SI: variants seen among roughly 807,000 people sequenced by gnomAD.
SI encodes the protein sucrase-isomaltase, intestinal.
SI carries 235 observed loss-of-function variants against 253.3 expected under a neutral mutation model. The ratio of observed to expected loss-of-function variants is 0.93; its 90% CI spans 0.83 to 1.03. The LOEUF (loss-of-function observed/expected upper bound fraction) is 1.03. SI is among the 50% of genes least tolerant of loss of function. The pLI is 0.00. For missense variants in SI, 2,442 were observed against 2,211.1 expected (o/e 1.10, Z -2.09); for synonymous variants, 819 against 712.0 (o/e 1.15, Z -2.39).
chr3:165,013,162 G>T, intron 33 of SI, 120 bp from the exon 34 acceptor site: 1 of 756,452 alleles, frequency 1.3e-6, no homozygotes, highest in Admixed American at 1.8e-5. Context: ...CTTCAGATCT[G>T]CAATCCCTTC....
intron 26 of SI, among the ~76,000 whole-genome samples, chr3:165,022,130 C>G (rs555900000): frequency 2.6e-5 from 4 of 151,402 alleles, no homozygotes; most frequent in African/African-American, 9.7e-5. Flanking sequence ...TATGAGAGGT[C>G]TTGATATTTT....
chr3:165,057,541 T>C (rs1300591866), intron 12 of SI, among the ~76,000 whole-genome samples: 3 of 151,774 alleles, frequency 2.0e-5, no homozygotes, highest in Admixed American at 1.3e-4. Flanking sequence ...CATTTAATAA[T>C]TAAATTCCCA....
chr3:165,007,732 G>T (rs952776154), intron 36 of SI, among the ~76,000 whole-genome samples, 179 bp downstream of exon 36: 1 of 150,512 alleles, frequency 6.6e-6, no homozygotes, highest in Middle Eastern at 3.5e-3. Flanking sequence ...AGTGAAAATT[G>T]GGTGTGTGAA....
chr3:165,051,469 AT>A (rs1713425869), intron 13 of SI, among the ~76,000 whole-genome samples: 1 of 152,040 alleles, frequency 6.6e-6, no homozygotes, highest in Admixed American at 6.6e-5. Context: ...GTTATATTCA[AT>A]TTTGTTTCCT....
intron 2 of SI, among the ~76,000 whole-genome samples, chr3:165,074,958 A>C (rs1714855282): frequency 6.6e-6 from 1 of 150,700 alleles, no homozygotes; most frequent in Admixed American, 6.6e-5. Context: ...AACAAAATAT[A>C]CATTCATACT....
At chr3:164,983,195 A>T in intron 45 of SI, 144 bp from the exon 46 acceptor site, 1 of 797,522 alleles carries the variant, frequency 1.3e-6, no homozygotes, top group Non-Finnish European at 1.9e-6. Flanking sequence ...AAGCCTATTT[A>T]ACTAATTCAG....
At chr3:165,074,217 A>G (rs1276113888) in intron 3 of SI, among the ~76,000 whole-genome samples, 1 of 152,070 alleles carries the variant, frequency 6.6e-6, no homozygotes, top group Non-Finnish European at 1.5e-5. Flanking sequence ...AATGTTCTAT[A>G]TTATCAAAGG....
intron 40 of SI, among the ~76,000 whole-genome samples, chr3:164,995,481 T>C (rs1717969036): frequency 6.6e-6 from 1 of 151,966 alleles, no homozygotes; most frequent in South Asian, 2.1e-4. Context: ...AATAGTTCAT[T>C]TGTACCAACT....
chr3:165,023,561 C>A lies in SI; in HGVS notation c.3099+9G>T, dbSNP rs1225250652. ...AGTTAAGCTTTGGGGTAGTTTATATCAAGCATACCTTAAACTGCAACATAT... is the reference window on the plus strand; with the variant it reads ...AGTTAAGCTTTGGGGTAGTTTATATAAAGCATACCTTAAACTGCAACATAT... On this transcript the variant is annotated intron_variant, in intron 26 of 47. Coordinates refer to ENST00000264382, the MANE Select transcript of SI (RefSeq NM_001041.4). The A allele has an allele frequency of 6.3e-7, 1 of 1,599,414 alleles. No homozygotes were observed. The highest frequency in any genetic ancestry group is 8.6e-7 in the Non-Finnish European group (1 of 1,167,828).
intron 16 of SI, among the ~76,000 whole-genome samples, chr3:165,043,916 A>T (rs1042028619): frequency 6.6e-6 from 1 of 151,970 alleles, no homozygotes; most frequent in African/African-American, 2.4e-5. Flanking sequence ...ATGACTATAA[A>T]AATTCTTCCG....
intron 16 of SI, among the ~76,000 whole-genome samples, chr3:165,045,814 T>C (rs1027384146): frequency 2.0e-5 from 3 of 151,396 alleles, no homozygotes; most frequent in African/African-American, 7.3e-5. Flanking sequence ...GTTTATCTTT[T>C]GACTCATGAA....
At chr3:165,053,502 T>C (rs1576911962) in intron 13 of SI, among the ~76,000 whole-genome samples, 1 of 152,166 alleles carries the variant, frequency 6.6e-6, no homozygotes, top group South Asian at 2.1e-4. Context: ...ATATCCACTG[T>C]TTATCCATGA....
chr3:165,054,139 T>A (rs1713571106), intron 13 of SI, among the ~76,000 whole-genome samples: 1 of 152,140 alleles, frequency 6.6e-6, no homozygotes, highest in African/African-American at 2.4e-5. Flanking sequence ...AATGATTGAT[T>A]GATTTAATAA....
In SI at chr3:164,979,213, A is replaced by AT; in HGVS notation, c.*148dup. ...TTACTATAATAAAATTAGCATTATC[A>AT]TTGATGTACGCTACAAAATAACTTT... On this transcript the variant is annotated 3_prime_UTR_variant, in exon 48 of 48. Transcript: ENST00000264382. 1 of 644,426 alleles carries AT rather than the reference A, an allele frequency of 1.6e-6. No homozygotes were observed. Among genetic ancestry groups the AT allele is most frequent in the South Asian group, 1.7e-5 (1 of 57,894 alleles). The allele number at this position is 644,426 out of a possible 1,614,324, so 39.9% of individuals were successfully genotyped here. A position where few individuals can be genotyped will look rare whatever the true frequency, so the allele number is the denominator to read the frequency against.
chr3:165,084,560 T>A, the SI span, among the ~76,000 whole-genome samples: 1 of 151,930 alleles, frequency 6.6e-6, no homozygotes, highest in Non-Finnish European at 1.5e-5. Flanking sequence ...TAACAACTAA[T>A]GAAAATGAAT....
intron 1 of SI, 61 bp downstream of exon 1, chr3:165,078,372 G>GA (rs1378352214): frequency 6.6e-6 from 1 of 151,782 alleles, no homozygotes; most frequent in East Asian, 1.9e-4. Context: ...CACAAATTAA[G>GA]AAAAAATATA....
intron 38 of SI, among the ~76,000 whole-genome samples, chr3:164,997,470 T>C (rs968336590): frequency 1.3e-5 from 2 of 151,494 alleles, no homozygotes; most frequent in Non-Finnish European, 3.0e-5. Flanking sequence ...CTATCAGTGA[T>C]TTATATTCCC....
intron 4 of SI, 111 bp downstream of exon 4, chr3:165,068,967 T>G: frequency 9.6e-7 from 1 of 1,045,282 alleles, no homozygotes; most frequent in Non-Finnish European, 1.5e-6. Context: ...ATAAGGAATT[T>G]GAACATTCTC....
At chr3:165,084,732 T>C in the SI span, among the ~76,000 whole-genome samples, 88,849 of 151,660 alleles carry the variant, frequency 0.59, 26,388 homozygotes, top group East Asian at 0.81. Flanking sequence ...AAAATATCAC[T>C]TTTGGAATGT....
Sources: allele counts gnomAD v4.1 joint callset (sites outside exome capture counted in the v4.1 genomes callset), GRCh38; gene constraint gnomAD v4.1.1; transcripts MANE v1.5; gene names NCBI Gene and HGNC (gene_info 2026-07-23, HGNC 2026-07-21).